The following SMU1 variants were observed in gnomAD, a reference collection of about 807,000 sequenced individuals.
The protein encoded by SMU1 is SMU1 DNA replication regulator and spliceosomal factor.
SMU1 carries 2 observed loss-of-function variants against 62.0 expected under a neutral mutation model. That is an observed-to-expected ratio of 0.03 (90% CI 0.01 to 0.10). The LOEUF is 0.10. Ranked by LOEUF, SMU1 falls within the 10% of genes least tolerant of loss-of-function variation. The probability of loss-of-function intolerance (pLI) is 1.00; values close to 1 mark genes in which losing one functional copy is unlikely to be tolerated. For synonymous variants in SMU1, 188 were observed against 212.4 expected (o/e 0.89, Z 1.00); for missense variants, 227 against 622.1 (o/e 0.36, Z 6.76).
At chr9:33,055,142 C>T (rs532604691) in intron 9 of SMU1, among the ~76,000 whole-genome samples, 15 of 152,012 alleles carry the variant, frequency 9.9e-5, no homozygotes, top group East Asian at 3.9e-4. Flanking sequence ...CAATTTCAGA[C>T]GGTGGTCTGA....
chr9:33,069,241 C>T (rs766191278), intron 3 of SMU1, among the ~76,000 whole-genome samples: 1 of 152,176 alleles, frequency 6.6e-6, no homozygotes. Context: ...AAGTAAACCA[C>T]ATTAAACCCA....
chr9:33,076,365 T>G (rs1839546118), intron 1 of SMU1, among the ~76,000 whole-genome samples: 2 of 152,174 alleles, frequency 1.3e-5, no homozygotes, highest in African/African-American at 2.4e-5. Flanking sequence ...TCCCCACCCG[T>G]GCCACCTCCC....
Position 33,043,507 on chromosome 9 carries a change from T to G in SMU1, c.*3786A>C, listed in dbSNP as rs1046718970. 3.3e-5 allele frequency: 5 copies of G among 152,232 alleles called. No individual in the cohort carries two copies. The highest frequency in any genetic ancestry group is 1.2e-4 in the African/African-American group (5 of 41,450). 9.4% of individuals were successfully genotyped at this position (152,232 alleles called of 1,614,324 possible). A position where few individuals can be genotyped will look rare whatever the true frequency, so the allele number is the denominator to read the frequency against. ...GAATGTGTCTATCACGTGACACTTG[T>G]AAGAACCACTGTTCTAGCACAAGCC... On this transcript the variant is annotated 3_prime_UTR_variant, in exon 12 of 12. Transcript: ENST00000397149.
chr9:33,073,762 T>A lies in SMU1; in HGVS notation c.71A>T (p.His24Leu), dbSNP rs751139820. ...CTCCTGCAAGGTGGCTAACGCCCGATGTAAACTGTTCTCCTTCAAGTACTG... is the reference window on the plus strand; with the variant it reads ...CTCCTGCAAGGTGGCTAACGCCCGAAGTAAACTGTTCTCCTTCAAGTACTG... ...IMQYLKENSLHRALATLQEET... is the reference protein window; with the variant it reads ...IMQYLKENSLLRALATLQEET... Residue 24 changes from histidine to leucine, a missense_variant, in exon 2 of 12, where the codon CAT (histidine) becomes CTT (leucine). His to Leu is a moderately conservative substitution (Grantham distance 99, BLOSUM62 -3). This residue lies in a region of SMU1 where 99 missense variants were observed against 270.3 expected (regional missense o/e 0.37). Coordinates refer to ENST00000397149, the MANE Select transcript of SMU1 (RefSeq NM_018225.3). The A allele has an allele frequency of 6.2e-7, 1 of 1,614,220 alleles. No individual in the cohort carries two copies. The highest frequency in any genetic ancestry group is 1.1e-5 in the South Asian group (1 of 91,088).
rs1417893582 is a variant in SMU1 at position 33,056,095 on chromosome 9, T to C, written c.1122+18A>G. ...ATGGGGTAGACATCCCAAAATAAAC[T>C]GATAGCAAATACTTAACCTTTACAG... On this transcript the variant is annotated intron_variant, in intron 9 of 11. Transcript: ENST00000397149. 6.3e-7 allele frequency: 1 copy of C among 1,592,624 alleles called. No homozygotes were observed. The highest frequency in any genetic ancestry group is 1.1e-5 in the South Asian group (1 of 88,482).
At position 33,056,189 on chromosome 9, in the gene SMU1, G is replaced by A; in HGVS notation, c.1046C>T (p.Ser349Phe). ...AAATGTTGCTTCGTTAACAAAGGAGGAATGGCCACGAAATTCCTTCAGGGT... is the reference window on the plus strand; with the variant it reads ...AAATGTTGCTTCGTTAACAAAGGAGAAATGGCCACGAAATTCCTTCAGGGT... ...GKTLKEFRGH[S>F]SFVNEATFTQ... The change falls in exon 9 of 12, where the codon TCC becomes TTC. Residue 349 changes from serine (S) to phenylalanine (F), a missense_variant. Transcript: ENST00000397149. 1 of 1,613,000 alleles carries A rather than the reference G, an allele frequency of 6.2e-7. No individual in the cohort carries two copies. Among genetic ancestry groups the A allele is most frequent in the Non-Finnish European group, 8.5e-7 (1 of 1,179,378 alleles).
chr9:33,072,779 A>G (rs1385895323), intron 2 of SMU1, among the ~76,000 whole-genome samples: 2 of 150,240 alleles, frequency 1.3e-5, no homozygotes, highest in Non-Finnish European at 3.0e-5. Flanking sequence ...CAGTGAGCAG[A>G]GATCGCACCA....
At chr9:33,049,675 A>G (rs1461316238) in intron 10 of SMU1, among the ~76,000 whole-genome samples, 1 of 152,138 alleles carries the variant, frequency 6.6e-6, no homozygotes, top group Non-Finnish European at 1.5e-5. Context: ...TCATGCCTGT[A>G]ATCCCAGCAC....
In SMU1 at chr9:33,043,084, C is replaced by A. The variant is rs943202289; in HGVS notation, c.*4209G>T. The A allele has an allele frequency of 6.6e-6, 1 of 152,316 alleles. No homozygotes were observed. The highest frequency in any genetic ancestry group is 1.5e-5 in the Non-Finnish European group (1 of 68,140). The allele number at this position is 152,316 out of a possible 1,614,324, so 9.4% of individuals were successfully genotyped here. On this transcript the variant is annotated 3_prime_UTR_variant, in exon 12 of 12. Transcript: ENST00000397149. The stretch of plus-strand genomic sequence containing the variant: ...TCCTGACCTCGTGATCCACCCACCT[C>A]GGCCTCCCAAAGTGCTGGGATTACA...
In SMU1 at chr9:33,043,773, G is replaced by C. The variant is rs1839151399; in HGVS notation, c.*3520C>G. On this transcript the variant is annotated 3_prime_UTR_variant, in exon 12 of 12. Transcript: ENST00000397149. ...ACATCTGGTTTTCAATGCGAGCTTC[G>C]TGCAAGTTGGACTGAGTTAGGTGCC... The C allele has an allele frequency of 3.3e-5, 5 of 152,198 alleles. No homozygotes were observed. In the South Asian group the frequency reaches 6.2e-4, roughly 19 times the overall value. 9.4% of individuals were successfully genotyped at this position (152,198 alleles called of 1,614,324 possible). A position where few individuals can be genotyped will look rare whatever the true frequency, so the allele number is the denominator to read the frequency against.
rs949879231 is a variant in SMU1, at chr9:33,045,251, T to C, written c.*2042A>G. The C allele has an allele frequency of 1.3e-5, 2 of 152,190 alleles. No individual in the cohort carries two copies. 9.4% of individuals were successfully genotyped at this position (152,190 alleles called of 1,614,324 possible). On this transcript the variant is annotated 3_prime_UTR_variant, in exon 12 of 12. Coordinates refer to ENST00000397149, the MANE Select transcript of SMU1 (RefSeq NM_018225.3). ...AATTTTTTTAGCATAAACTGTTTCC[T>C]CTAACTTAAACTTCTCTTAAGTGAA...
chr9:33,061,948 C>T, intron 5 of SMU1, 101 bp downstream of exon 5: 1 of 1,263,736 alleles, frequency 7.9e-7, no homozygotes, highest in Non-Finnish European at 1.1e-6. Flanking sequence ...AGAATGAGTT[C>T]TCCCCCTCAA....
chr9:33,052,617 C>A (rs940617103), intron 10 of SMU1, among the ~76,000 whole-genome samples: 1 of 152,220 alleles, frequency 6.6e-6, no homozygotes, highest in African/African-American at 2.4e-5. Context: ...GGTCCTCAAA[C>A]TTGATGCTTC....
rs1358170788 is a variant in SMU1 at position 33,061,588 on chromosome 9, T to TA, written c.630+460dup. ...TCAGATTTAAAAAAATAAAAATAAA[T>TA]AAAAAATTTTAAAAAACCACACCAT... On this transcript the variant is annotated intron_variant, in intron 5 of 11. Coordinates refer to ENST00000397149, the MANE Select transcript of SMU1 (RefSeq NM_018225.3). 2.0e-5 allele frequency among the ~76,000 whole-genome samples: 3 copies of TA among 152,158 alleles called. No individual in the cohort carries two copies. In the South Asian group the frequency reaches 6.2e-4, roughly 32 times the overall value.
rs1839156705 is a variant in SMU1 at position 33,044,193 on chromosome 9, T to G, written c.*3100A>C. 6.6e-6 allele frequency: 1 copy of G among 152,298 alleles called. No homozygotes were observed. The highest frequency in any genetic ancestry group is 6.5e-5 in the Admixed American group (1 of 15,274). The allele number at this position is 152,298 out of a possible 1,614,324, so 9.4% of individuals were successfully genotyped here. ...AAATCTGGTGGCTGCAGCAGAGCAC[T>G]TCCCTAGGAACCGACTGCACACGCC... On this transcript the variant is annotated 3_prime_UTR_variant, in exon 12 of 12. Coordinates refer to ENST00000397149, the MANE Select transcript of SMU1 (RefSeq NM_018225.3).
rs1020311685 is a variant in SMU1 at position 33,074,828 on chromosome 9, T to C, written c.27-1022A>G. ...CTTGCATCGCTCAGGCTGGACAGAA[T>C]AGTGGCGTGATTGTGGCTGACTGCA... On this transcript the variant is annotated intron_variant, in intron 1 of 11. Coordinates refer to ENST00000397149, the MANE Select transcript of SMU1 (RefSeq NM_018225.3). Among the ~76,000 whole-genome samples, 14 of 148,496 alleles carry C rather than the reference T, an allele frequency of 9.4e-5. 2 individuals are homozygous for C. The South Asian group carries it at 2.6e-3, about 27-fold the overall frequency.
intron 9 of SMU1, among the ~76,000 whole-genome samples, chr9:33,055,275 C>T (rs1269230172): frequency 6.6e-6 from 1 of 152,090 alleles, no homozygotes; most frequent in South Asian, 2.1e-4. Flanking sequence ...CTCCTGGGTT[C>T]GAGTGATCCT....
At chr9:33,064,138 T>C (rs1273173214) in intron 4 of SMU1, among the ~76,000 whole-genome samples, 2 of 152,162 alleles carry the variant, frequency 1.3e-5, no homozygotes, top group Non-Finnish European at 2.9e-5. Context: ...GTTCTCATTC[T>C]GTCAGGCTGG....
At chr9:33,060,001 T>C (rs1839345261) in intron 6 of SMU1, among the ~76,000 whole-genome samples, 1 of 152,126 alleles carries the variant, frequency 6.6e-6, no homozygotes, top group South Asian at 2.1e-4. Context: ...AATTGGAATT[T>C]AATTAAACAT....
Sources: gnomAD v4.1 joint callset for allele counts (sites outside exome capture counted in the v4.1 genomes callset) on GRCh38, gnomAD v4.1.1 for gene constraint, gnomAD v4.1.1 regional missense constraint, MANE v1.5 for transcripts, NCBI Gene and HGNC (gene_info 2026-07-23, HGNC 2026-07-21) for gene names.